The following YWHAG variants were observed in gnomAD, a reference collection of about 807,000 sequenced individuals.
YWHAG encodes tyrosine 3-monooxygenase/tryptophan 5-monooxygenase activation protein gamma.
YWHAG carries 1 observed loss-of-function variant against 23.3 expected under a neutral mutation model. That is an observed-to-expected ratio of 0.04 (90% confidence interval 0.02 to 0.20). The LOEUF (loss-of-function observed/expected upper bound fraction) is 0.20. Ranked by LOEUF, YWHAG falls within the 10% of genes least tolerant of loss-of-function variation. YWHAG has a pLI of 1.00. For missense variants in YWHAG, 151 were observed against 338.6 expected, an observed-to-expected ratio of 0.45 and a Z score of 4.35; for synonymous variants, 160 against 144.0, an observed-to-expected ratio of 1.11 and a Z score of -0.80.
At chr7:76,344,802 C>A (rs557343106) in intron 1 of YWHAG, among the ~76,000 whole-genome samples, 1 of 152,330 alleles carries the variant, frequency 6.6e-6, no homozygotes, top group African/African-American at 2.4e-5. Flanking sequence ...GAATCATTCA[C>A]TTTTAAAGTC....
intron 1 of YWHAG, among the ~76,000 whole-genome samples, chr7:76,338,496 CAG>C (rs1263376568): frequency 5.3e-5 from 8 of 152,104 alleles, no homozygotes; most frequent in South Asian, 2.1e-4. Context: ...GACTTTTCCC[CAG>C]AGTCACCTCA....
At chr7:76,354,066 A>C (rs983280964) in intron 1 of YWHAG, among the ~76,000 whole-genome samples, 18 of 145,406 alleles carry the variant, frequency 1.2e-4, no homozygotes, top group Non-Finnish European at 2.1e-4. Flanking sequence ...CTCAAAAAAA[A>C]AAAAAACAAA....
Position 76,329,588 on chromosome 7 carries a change from C to T in YWHAG, c.733G>A (p.Gly245Ser). 1 of 1,606,972 alleles carries T rather than the reference C, an allele frequency of 6.2e-7. No homozygotes were observed. Among genetic ancestry groups the T allele is most frequent in the South Asian group, 1.1e-5 (1 of 90,794 alleles). Residue 245 changes from glycine (G) to serine (S), a missense_variant, in exon 2 of 2, where the codon GGC becomes AGC. Gly to Ser is a moderately conservative substitution (Grantham distance 56, BLOSUM62 0). Coordinates refer to ENST00000307630, the MANE Select transcript of YWHAG (RefSeq NM_012479.4). The surrounding 1 kb of genome is among the most constrained non-coding windows in gnomAD (Gnocchi z 6.1). ...SDQQDDDGGE[G>S]NN is the part of the protein sequence containing the mutation. ...GTTCCCCTGGGGCCTTAATTGTTGC[C>T]TTCGCCGCCATCGTCGTCCTGCTGG... is the stretch of plus-strand genomic sequence containing the variant.
intron 1 of YWHAG, among the ~76,000 whole-genome samples, chr7:76,354,077 AAAC>A (rs1425463617): frequency 2.0e-5 from 3 of 151,280 alleles, no homozygotes; most frequent in East Asian, 3.9e-4. Flanking sequence ...AAAAAACAAA[AAAC>A]AAGCAATCAA....
intron 1 of YWHAG, among the ~76,000 whole-genome samples, chr7:76,331,427 G>C (rs538763115): frequency 1.3e-4 from 20 of 152,232 alleles, no homozygotes; most frequent in African/African-American, 4.8e-4. Context: ...AATCCAAAAA[G>C]ATCTACTAAA....
rs981648329 is a variant in YWHAG at position 76,340,639 on chromosome 7, C to T, written c.88-10406G>A. ...CGCTGAAGAACAGAACTCAAATACA[C>T]TGGCTCCAAATCCCACATGCTTTCC... is the stretch of plus-strand genomic sequence containing the variant. On this transcript the variant is annotated intron_variant, in intron 1 of 1. Coordinates refer to ENST00000307630, the MANE Select transcript of YWHAG (RefSeq NM_012479.4). Among the ~76,000 whole-genome samples, 7 of 152,290 alleles carry T rather than the reference C, an allele frequency of 4.6e-5. No homozygotes were observed. The East Asian group carries it at 1.3e-3, about 29-fold the overall frequency.
intron 1 of YWHAG, among the ~76,000 whole-genome samples, chr7:76,352,619 T>C (rs1803892250): frequency 6.6e-6 from 1 of 152,100 alleles, no homozygotes; most frequent in Non-Finnish European, 1.5e-5. Context: ...CTAAATTATG[T>C]AAGAACACTC....
intron 1 of YWHAG, among the ~76,000 whole-genome samples, chr7:76,356,613 C>G (rs923882613): frequency 3.9e-5 from 6 of 152,156 alleles, no homozygotes; most frequent in African/African-American, 1.4e-4. Flanking sequence ...GTGTCATAAA[C>G]TATATTCTTG....
intron 1 of YWHAG, among the ~76,000 whole-genome samples, chr7:76,352,888 T>C (rs1183633979): frequency 2.0e-5 from 3 of 152,134 alleles, no homozygotes; most frequent in Non-Finnish European, 2.9e-5. Context: ...TGACCTCAAG[T>C]GATCAACCCA....
At chr7:76,338,004 G>A (rs980809519) in intron 1 of YWHAG, among the ~76,000 whole-genome samples, 11 of 151,896 alleles carry the variant, frequency 7.2e-5, no homozygotes, top group Non-Finnish European at 1.5e-4. Flanking sequence ...GGTGACCAGG[G>A]AAAAGATGAT....
chr7:76,345,936 G>A (rs1036879735), intron 1 of YWHAG, among the ~76,000 whole-genome samples: 4 of 151,628 alleles, frequency 2.6e-5, no homozygotes, highest in Admixed American at 6.6e-5. Flanking sequence ...GTGAAACTCC[G>A]CCTCAAAAAA....
intron 1 of YWHAG, among the ~76,000 whole-genome samples, chr7:76,351,726 C>T (rs1277849019): frequency 6.6e-6 from 1 of 152,180 alleles, no homozygotes; most frequent in Non-Finnish European, 1.5e-5. Context: ...CTCCCATCAC[C>T]CCCAGACGGG....
At chr7:76,344,525 A>T (rs1803747192) in intron 1 of YWHAG, among the ~76,000 whole-genome samples, 1 of 152,192 alleles carries the variant, frequency 6.6e-6, no homozygotes, top group South Asian at 2.1e-4. Flanking sequence ...ACCCTATTCC[A>T]AAATTAGTTC....
chr7:76,349,430 C>CAG (rs1440206217), intron 1 of YWHAG, among the ~76,000 whole-genome samples: 1 of 127,142 alleles, frequency 7.9e-6, no homozygotes, highest in Non-Finnish European at 1.6e-5. Context: ...CACACACACA[C>CAG]ACACACACAC....
chr7:76,331,481 G>A (rs948295272), intron 1 of YWHAG, among the ~76,000 whole-genome samples: 1 of 151,932 alleles, frequency 6.6e-6, no homozygotes, highest in Admixed American at 6.6e-5. Context: ...ATGTAGCCCA[G>A]GATGGCTTTG....
chr7:76,337,405 G>GC (rs1803631570), intron 1 of YWHAG, among the ~76,000 whole-genome samples: 1 of 152,172 alleles, frequency 6.6e-6, no homozygotes, highest in African/African-American at 2.4e-5. Flanking sequence ...CTGGTAGACA[G>GC]CATTTCTCAC....
At chr7:76,348,640 G>C (rs575921733) in intron 1 of YWHAG, among the ~76,000 whole-genome samples, 1 of 151,948 alleles carries the variant, frequency 6.6e-6, no homozygotes, top group Middle Eastern at 3.2e-3. Flanking sequence ...TCCTAACCTC[G>C]TGATGCACCC....
At chr7:76,336,258 A>ACTCTTGG (rs1803613538) in intron 1 of YWHAG, among the ~76,000 whole-genome samples, 1 of 152,140 alleles carries the variant, frequency 6.6e-6, no homozygotes, top group South Asian at 2.1e-4. Flanking sequence ...ACTCCACAGA[A>ACTCTTGG]TGTAGATCAC....
In YWHAG at chr7:76,329,661, C is replaced by T. The variant is rs563125209; in HGVS notation, c.660G>A (p.Thr220=). The change falls in exon 2 of 2, where the codon ACG becomes ACA. Residue 220 remains threonine, a synonymous_variant. Coordinates refer to ENST00000307630, the MANE Select transcript of YWHAG (RefSeq NM_012479.4). The surrounding 1 kb of genome is among the most constrained non-coding windows in gnomAD (Gnocchi z 6.1). ...TGTCGCGGAGGAGCTGCATGATGAG[C>T]GTGGAGTCCTTGTAGGAGTCCTCGT... The part of the protein sequence containing the change: ...TLNEDSYKDS[T]LIMQLLRDNL... 5.9e-5 allele frequency: 95 copies of T among 1,614,204 alleles called. No homozygotes were observed. The highest frequency in any genetic ancestry group is 7.8e-5 in the Non-Finnish European group (92 of 1,180,036).
Sources: allele counts gnomAD v4.1 joint callset (sites outside exome capture counted in the v4.1 genomes callset), GRCh38; gene constraint gnomAD v4.1.1; non-coding constraint Gnocchi (gnomAD v3.1); transcripts MANE v1.5; gene names NCBI Gene and HGNC (gene_info 2026-07-23, HGNC 2026-07-21).